TFAP2C: variants seen among roughly 807,000 people sequenced by gnomAD.
TFAP2C encodes transcription factor AP-2 gamma.
In TFAP2C, 9 loss-of-function variants were observed where a neutral mutation model predicts 42.9. The ratio of observed to expected loss-of-function variants is 0.21; its 90% CI spans 0.13 to 0.37. The LOEUF (loss-of-function observed/expected upper bound fraction) is 0.37. Ranked by LOEUF, TFAP2C falls within the 10% of genes least tolerant of loss-of-function variation. The probability of loss-of-function intolerance (pLI) is 1.00; values close to 1 mark genes in which losing one functional copy is unlikely to be tolerated. For missense variants in TFAP2C, 462 were observed against 591.7 expected, an observed-to-expected ratio of 0.78 and a Z score of 2.27; for synonymous variants, 264 against 256.0, an observed-to-expected ratio of 1.03 and a Z score of -0.30.
Position 56,633,543 on chromosome 20 carries a change from C to T in TFAP2C, c.777C>T (p.Ala259=). 1 of 1,614,068 alleles carries T rather than the reference C, an allele frequency of 6.2e-7. No individual in the cohort carries two copies. The highest frequency in any genetic ancestry group is 8.5e-7 in the Non-Finnish European group (1 of 1,179,986). ...TGTCCCCACCTGAATGCTTAAATGC[C>T]TCGTTACTGGGAGGTGTTCTCAGAA... ...RRLSPPECLN[A]SLLGGVLRRA... Residue 259 remains alanine, a synonymous_variant, in exon 4 of 7, where the codon GCC becomes GCT. Coordinates refer to ENST00000201031, the MANE Select transcript of TFAP2C (RefSeq NM_003222.4).
At position 56,638,708 on chromosome 20, in the gene TFAP2C, G is replaced by A. The variant is rs1987634239; in HGVS notation, c.*695G>A. On this transcript the variant is annotated 3_prime_UTR_variant, in exon 7 of 7. Transcript: ENST00000201031. ...CTTTGAAAGTTAACTCTTCAAATGG[G>A]AGACTCTTTGAAATGACATGTTCCT... The A allele has an allele frequency of 6.7e-6, 1 of 149,866 alleles. No homozygotes were observed. Among genetic ancestry groups the A allele is most frequent in the African/African-American group, 2.5e-5 (1 of 40,558 alleles). The allele number at this position is 149,866 out of a possible 1,614,324, so 9.3% of individuals were successfully genotyped here. A position where few individuals can be genotyped will look rare whatever the true frequency, so the allele number is the denominator to read the frequency against.
At position 56,630,930 on chromosome 20, in the gene TFAP2C, C is replaced by G; in HGVS notation, c.49-275C>G. ...TCGGACTTGGCGCCTCCAAGCGCCT[C>G]GGGCTTGGGAGCAGCGCCTAGACCT... On this transcript the variant is annotated intron_variant, in intron 1 of 6. Coordinates refer to ENST00000201031, the MANE Select transcript of TFAP2C (RefSeq NM_003222.4). This position sits in a 1 kb window ranked among gnomAD's most constrained non-coding sequence, Gnocchi z 5.1. The G allele has an allele frequency of 1.0e-6, 1 of 985,376 alleles. No homozygotes were observed. 61.0% of individuals were successfully genotyped at this position (985,376 alleles called of 1,614,324 possible).
Position 56,631,803 on chromosome 20 carries a change from A to G in TFAP2C, c.535-2A>G. On this transcript the variant is annotated splice_acceptor_variant, in intron 2 of 6. Transcript: ENST00000201031. LOFTEE classifies it high-confidence loss of function. The surrounding 1 kb of genome is among the most constrained non-coding windows in gnomAD (Gnocchi z 6.1). The stretch of plus-strand genomic sequence containing the variant: ...AAGGGAATTTTGTCCTCTCTCCCCC[A>G]GAATGTCGACGACCAGCACCTGTTG... 6.2e-7 allele frequency: 1 copy of G among 1,614,124 alleles called. No individual in the cohort carries two copies. Among genetic ancestry groups the G allele is most frequent in the Non-Finnish European group, 8.5e-7 (1 of 1,180,012 alleles).
Position 56,629,726 on chromosome 20 carries a change from A to G in TFAP2C, c.48+134A>G. 1.7e-6 allele frequency: 1 copy of G among 588,170 alleles called. No homozygotes were observed. Among genetic ancestry groups the G allele is most frequent in the East Asian group, 3.4e-5 (1 of 29,848 alleles). 36.4% of individuals were successfully genotyped at this position (588,170 alleles called of 1,614,324 possible). ...TGGGACGGGATCCACTTCTCCGGAC[A>G]CCCCTTAGTCCATTTCTGCGGGGCC... On this transcript the variant is annotated intron_variant, in intron 1 of 6. Transcript: ENST00000201031. The surrounding 1 kb of genome is among the most constrained non-coding windows in gnomAD (Gnocchi z 5.9).
chr20:56,630,713 G>A lies in TFAP2C; in HGVS notation c.49-492G>A. The A allele has an allele frequency of 1.0e-6, 1 of 985,378 alleles. No individual in the cohort carries two copies. Among genetic ancestry groups the A allele is most frequent in the Non-Finnish European group, 1.2e-6 (1 of 829,898 alleles). 61.0% of individuals were successfully genotyped at this position (985,378 alleles called of 1,614,324 possible). ...GGGCGTGGAAGGGAGGGTCCCGGGG[G>A]CGGGGGAGGTGCGCATTTCCCGCGC... On this transcript the variant is annotated intron_variant, in intron 1 of 6. Transcript: ENST00000201031. The surrounding 1 kb of genome is among the most constrained non-coding windows in gnomAD (Gnocchi z 5.1).
chr20:56,634,407 G>T, intron 5 of TFAP2C, 139 bp downstream of exon 5: 1 of 678,292 alleles, frequency 1.5e-6, no homozygotes, highest in East Asian at 2.7e-5. Context: ...TGTTCTCTAA[G>T]TTTATTGGAA....
At chr20:56,635,844 G>A (rs926589357) in intron 5 of TFAP2C, among the ~76,000 whole-genome samples, 24 of 152,248 alleles carry the variant, frequency 1.6e-4, no homozygotes, top group African/African-American at 5.1e-4. Context: ...ACATCCTTCC[G>A]TATAGTTTAA....
chr20:56,632,773 C>T (rs547685125), intron 3 of TFAP2C, among the ~76,000 whole-genome samples: 1 of 151,334 alleles, frequency 6.6e-6, no homozygotes, highest in South Asian at 2.1e-4. Flanking sequence ...AAGCAGTCTT[C>T]TGAAAACAAA....
Position 56,631,770 on chromosome 20 carries a change from C to G in TFAP2C, c.535-35C>G, listed in dbSNP as rs1444305054. ...CCACCCCGCACTCCTCTAGGCTCCCCCGAACTTAAGGGAATTTTGTCCTCT... is the reference window on the plus strand; with the variant it reads ...CCACCCCGCACTCCTCTAGGCTCCCGCGAACTTAAGGGAATTTTGTCCTCT... On this transcript the variant is annotated intron_variant, in intron 2 of 6. Coordinates refer to ENST00000201031, the MANE Select transcript of TFAP2C (RefSeq NM_003222.4). This position sits in a 1 kb window ranked among gnomAD's most constrained non-coding sequence, Gnocchi z 6.1. 24 of 1,614,094 alleles carry G rather than the reference C, an allele frequency of 1.5e-5. No individual in the cohort carries two copies. Among genetic ancestry groups the G allele is most frequent in the Non-Finnish European group, 1.8e-5 (21 of 1,180,020 alleles).
In TFAP2C at chr20:56,638,464, T is replaced by C. The variant is rs1429204295; in HGVS notation, c.*451T>C. The C allele has an allele frequency of 1.3e-5, 2 of 158,756 alleles. No individual in the cohort carries two copies. Among genetic ancestry groups the C allele is most frequent in the Non-Finnish European group, 2.8e-5 (2 of 71,564 alleles). 9.8% of individuals were successfully genotyped at this position (158,756 alleles called of 1,614,324 possible). ...GGTTGGTTTTTGTGTCCGCTAAATA[T>C]TTACCTTGAAAAAAAGAAAAGTGTG... On this transcript the variant is annotated 3_prime_UTR_variant, in exon 7 of 7. Transcript: ENST00000201031.
rs192966534 is a variant in TFAP2C, at chr20:56,639,024, T to C, written c.*1011T>C. On this transcript the variant is annotated 3_prime_UTR_variant, in exon 7 of 7. Coordinates refer to ENST00000201031, the MANE Select transcript of TFAP2C (RefSeq NM_003222.4). ...AACACATCATAAGGTTTTATTCATA[T>C]ATATACAGGGTATTAAGAATTAAGA... 1 of 152,782 alleles carries C rather than the reference T, an allele frequency of 6.5e-6. No individual in the cohort carries two copies. Among genetic ancestry groups the C allele is most frequent in the Admixed American group, 6.5e-5 (1 of 15,298 alleles). The allele number at this position is 152,782 out of a possible 1,614,324, so 9.5% of individuals were successfully genotyped here.
intron 3 of TFAP2C, 81 bp from the exon 4 acceptor site, chr20:56,633,272 A>G: frequency 1.9e-6 from 2 of 1,076,678 alleles, no homozygotes; most frequent in Non-Finnish European, 2.8e-6. Flanking sequence ...GATCACTTTC[A>G]GCTTTGGTTA....
At position 56,637,825 on chromosome 20, in the gene TFAP2C, T is replaced by G. The variant is rs763712130; in HGVS notation, c.1165T>G (p.Cys389Gly). The change falls in exon 7 of 7, where the codon TGC (cysteine) becomes GGC (glycine). Residue 389 changes from cysteine to glycine, a missense_variant. By Grantham distance (159) the Cys-to-Gly change is radical (BLOSUM62 -3). Around this residue, in one of 5 missense-constraint regions of TFAP2C, gnomAD observed 130 missense variants for 160.8 expected, o/e 0.81. Transcript: ENST00000201031. ...AGTCTTGGAGACGAACATACAGAAC[T>G]GCTTGTCTCATTTCAGCCTGATTAC... The part of the protein sequence containing the change: ...APVLETNIQN[C>G]LSHFSLITHG... 8.3e-5 allele frequency: 134 copies of G among 1,612,552 alleles called. No homozygotes were observed. The highest frequency in any genetic ancestry group is 1.1e-4 in the Non-Finnish European group (131 of 1,178,706).
In TFAP2C at chr20:56,631,717, G is replaced by GCTGCGGC. The variant is rs1179926267; in HGVS notation, c.534+27_534+28insCTGCGGC. 6.2e-7 allele frequency: 1 copy of GCTGCGGC among 1,606,918 alleles called. No homozygotes were observed. The highest frequency in any genetic ancestry group is 1.3e-5 in the African/African-American group (1 of 74,846). ...TGAGCGGCGCTGCGGCTCCTGACCG[G>GCTGCGGC]ACCTGTTCACCCTACGGCCTTCTGC... On this transcript the variant is annotated intron_variant, in intron 2 of 6. Coordinates refer to ENST00000201031, the MANE Select transcript of TFAP2C (RefSeq NM_003222.4). This position sits in a 1 kb window ranked among gnomAD's most constrained non-coding sequence, Gnocchi z 6.1.
rs544820793 is a variant in TFAP2C at position 56,630,382 on chromosome 20, G to A, written c.48+790G>A. On this transcript the variant is annotated intron_variant, in intron 1 of 6. Coordinates refer to ENST00000201031, the MANE Select transcript of TFAP2C (RefSeq NM_003222.4). This position sits in a 1 kb window ranked among gnomAD's most constrained non-coding sequence, Gnocchi z 5.1. ...CGCCATGTTCCTCCAGGTTCCCGGC[G>A]CCCCGAGACCCCTGGGCAGATGGGG... 2 of 457,054 alleles carry A rather than the reference G, an allele frequency of 4.4e-6. No individual in the cohort carries two copies. The highest frequency in any genetic ancestry group is 4.8e-5 in the Admixed American group (2 of 41,482). The allele number at this position is 457,054 out of a possible 1,614,324, so 28.3% of individuals were successfully genotyped here. A position where few individuals can be genotyped will look rare whatever the true frequency, so the allele number is the denominator to read the frequency against.
At position 56,635,635 on chromosome 20, in the gene TFAP2C, C is replaced by A. The variant is rs760902789; in HGVS notation, c.923-975C>A. 2.0e-4 allele frequency among the ~76,000 whole-genome samples: 31 copies of A among 151,824 alleles called. 1 individual carries two copies. Among genetic ancestry groups the A allele is most frequent in the Admixed American group, 2.0e-3 (30 of 15,242 alleles). Reference sequence around the variant, plus strand: ...TTGCTTTTGTCAAACATGTTTATAGCCCTTAAATTTTCCTACTTCCCCAAA... The same window carrying A: ...TTGCTTTTGTCAAACATGTTTATAGACCTTAAATTTTCCTACTTCCCCAAA... On this transcript the variant is annotated intron_variant, in intron 5 of 6. Transcript: ENST00000201031.
chr20:56,636,767 A>C lies in TFAP2C; in HGVS notation c.1067+13A>C. The C allele has an allele frequency of 6.2e-7, 1 of 1,609,618 alleles. No individual in the cohort carries two copies. Among genetic ancestry groups the C allele is most frequent in the Non-Finnish European group, 8.5e-7 (1 of 1,177,868 alleles). On this transcript the variant is annotated intron_variant, in intron 6 of 6. Coordinates refer to ENST00000201031, the MANE Select transcript of TFAP2C (RefSeq NM_003222.4). ...TATTGGCGGCCCAGTAAGTATCTGA[A>C]CTTGAATTTGATGATGACTCAATGC...
Position 56,631,841 on chromosome 20 carries a change from A to G in TFAP2C, c.571A>G (p.Thr191Ala), listed in dbSNP as rs947383585. The G allele has an allele frequency of 9.9e-6, 16 of 1,614,080 alleles. No homozygotes were observed. The highest frequency in any genetic ancestry group is 1.4e-5 in the Non-Finnish European group (16 of 1,180,046). ...CCAGCACCTGTTGCTGCACGATCAG[A>G]CAGTCATTCGCAAAGGTAAATAGCA... ...DDQHLLLHDQ[T>A]VIRKGPISMT... Residue 191 changes from threonine to alanine, a missense_variant, in exon 3 of 7, where the codon ACA becomes GCA. Thr to Ala is a moderately conservative substitution (Grantham distance 58, BLOSUM62 0). Around this residue, in one of 5 missense-constraint regions of TFAP2C, gnomAD observed 271 missense variants for 269.7 expected, o/e 1.00. Transcript: ENST00000201031. This position sits in a 1 kb window ranked among gnomAD's most constrained non-coding sequence, Gnocchi z 6.1.
Position 56,631,870 on chromosome 20 carries a change from T to A in TFAP2C, c.586+14T>A, listed in dbSNP as rs1219756245. On this transcript the variant is annotated intron_variant, in intron 3 of 6. Transcript: ENST00000201031. The surrounding 1 kb of genome is among the most constrained non-coding windows in gnomAD (Gnocchi z 6.1). ...TCATTCGCAAAGGTAAATAGCAAGG[T>A]GGCATCGTCTAACTCTGGTCACACG... 3 of 1,614,006 alleles carry A rather than the reference T, an allele frequency of 1.9e-6. No homozygotes were observed. Among genetic ancestry groups the A allele is most frequent in the Non-Finnish European group, 2.5e-6 (3 of 1,179,998 alleles).
Sources: allele counts gnomAD v4.1 joint callset (sites outside exome capture counted in the v4.1 genomes callset), GRCh38; gene constraint gnomAD v4.1.1; regional missense constraint gnomAD v4.1.1; non-coding constraint Gnocchi (gnomAD v3.1); transcripts MANE v1.5; gene names NCBI Gene and HGNC (gene_info 2026-07-23, HGNC 2026-07-21).